Variants in FAM227A observed in about 807,000 individuals in gnomAD.
FAM227A encodes protein FAM227A.
A neutral mutation model predicts 74.7 loss-of-function variants in FAM227A; 80 were observed. The ratio of observed to expected loss-of-function variants is 1.07; its 90% CI spans 0.89 to 1.29. The LOEUF is 1.29. Ranked by LOEUF, FAM227A falls within the 50% of genes most tolerant of loss-of-function variation. The pLI is 0.00. For missense variants in FAM227A, 654 were observed against 683.4 expected, an observed-to-expected ratio of 0.96 and a Z score of 0.48; for synonymous variants, 237 against 241.8, an observed-to-expected ratio of 0.98 and a Z score of 0.19.
intron 10 of FAM227A, 56 bp from the exon 11 acceptor site, chr22:38,620,347 G>A (rs2091661604): frequency 2.9e-6 from 4 of 1,388,562 alleles, no homozygotes; most frequent in South Asian, 2.5e-5. Context: ...AATGAAGATT[G>A]TAGCCCAGGA....
chr22:38,602,158 G>A (rs1056392315), intron 13 of FAM227A, among the ~76,000 whole-genome samples: 3 of 151,716 alleles, frequency 2.0e-5, no homozygotes, highest in South Asian at 2.1e-4. Flanking sequence ...TTAATTAATT[G>A]TCTAATGGGA....
chr22:38,609,739 T>A (rs766574356), intron 11 of FAM227A, among the ~76,000 whole-genome samples: 1 of 152,090 alleles, frequency 6.6e-6, no homozygotes, highest in Non-Finnish European at 1.5e-5. Flanking sequence ...CAGGGCTCAA[T>A]GAAGCATCAA....
At chr22:38,634,771 G>A (rs1395915677) in intron 6 of FAM227A, among the ~76,000 whole-genome samples, 3 of 152,164 alleles carry the variant, frequency 2.0e-5, no homozygotes, top group African/African-American at 7.2e-5. Flanking sequence ...CTGGGCCACC[G>A]CTGCCAGGCC....
chr22:38,623,072 G>A (rs927482268), intron 10 of FAM227A, 100 bp downstream of exon 10: 2 of 808,358 alleles, frequency 2.5e-6, no homozygotes, highest in Admixed American at 2.3e-5. Context: ...GAGAGAACTT[G>A]ACCTGAGGAC....
intron 8 of FAM227A, among the ~76,000 whole-genome samples, chr22:38,626,855 G>T (rs1211979871): frequency 3.5e-5 from 3 of 84,794 alleles, no homozygotes; most frequent in African/African-American, 4.9e-5. Context: ...GCGACAGAGA[G>T]ACTCTGTCTC....
chr22:38,635,947 T>G (rs1321550862), intron 6 of FAM227A, among the ~76,000 whole-genome samples: 2 of 150,310 alleles, frequency 1.3e-5, no homozygotes, highest in Middle Eastern at 6.3e-3. Context: ...GCTATGATAG[T>G]GCCACTGCAT....
At chr22:38,651,963 C>A (rs549947637) in intron 1 of FAM227A, among the ~76,000 whole-genome samples, 5 of 151,620 alleles carry the variant, frequency 3.3e-5, no homozygotes, top group East Asian at 4.0e-4. Context: ...CCGAGGCAGG[C>A]GAATCATGAG....
intron 2 of FAM227A, among the ~76,000 whole-genome samples, chr22:38,646,322 G>T (rs915300008): frequency 3.6e-5 from 5 of 140,222 alleles, no homozygotes; most frequent in African/African-American, 1.4e-4. Context: ...TGCAGTGGCG[G>T]GATCTCGGCT....
rs372151774 is a variant in FAM227A, at chr22:38,604,101, C to T, written c.1221+1153G>A. Among the ~76,000 whole-genome samples, 40 of 151,922 alleles carry T rather than the reference C, an allele frequency of 2.6e-4. 1 individual carries two copies. The highest frequency in any genetic ancestry group is 6.2e-4 in the South Asian group (3 of 4,818). On this transcript the variant is annotated intron_variant, in intron 13 of 16. Coordinates refer to ENST00000535113, the MANE Select transcript of FAM227A (RefSeq NM_001013647.2). ...CAGCACTTTGGGAGGCCGAAGGGGG[C>T]GGATCACCTGAGATCGCGAGTTCGA...
chr22:38,653,680 T>C (rs1342844874), intron 1 of FAM227A: 1 of 152,234 alleles, frequency 6.6e-6, no homozygotes, highest in Non-Finnish European at 1.5e-5. Flanking sequence ...CGGCCTGTAA[T>C]GCTCTTGAAT....
rs2090703446 is a variant in FAM227A, at chr22:38,581,123, A to T, written c.*5002T>A. 6.6e-6 allele frequency: 1 copy of T among 152,196 alleles called. No individual in the cohort carries two copies. Among genetic ancestry groups the T allele is most frequent in the African/African-American group, 2.4e-5 (1 of 41,436 alleles). 9.4% of individuals were successfully genotyped at this position (152,196 alleles called of 1,614,324 possible). On this transcript the variant is annotated 3_prime_UTR_variant, in exon 17 of 17. Transcript: ENST00000535113. Reference sequence around the variant, plus strand: ...GTCACAATATGAACTTACAGGTGAGAACACGTTTGACGTGCTTCAAATATG... The same window carrying T: ...GTCACAATATGAACTTACAGGTGAGTACACGTTTGACGTGCTTCAAATATG...
intron 9 of FAM227A, among the ~76,000 whole-genome samples, chr22:38,625,517 G>A (rs5757187): frequency 0.3 from 44,894 of 151,878 alleles, 6,719 homozygotes; most frequent in East Asian, 0.36. Context: ...ATCTAAACCC[G>A]CATACTGCTT....
intron 7 of FAM227A, 104 bp from the exon 8 acceptor site, chr22:38,628,446 A>C (rs1603011060): frequency 1.3e-6 from 1 of 740,818 alleles, no homozygotes; most frequent in East Asian, 2.7e-5. Context: ...CAAGAATCTT[A>C]TTCTCAAGAT....
intron 4 of FAM227A, among the ~76,000 whole-genome samples, chr22:38,639,276 G>C (rs567001056): frequency 9.2e-4 from 140 of 152,190 alleles, no homozygotes; most frequent in African/African-American, 3.2e-3. Context: ...AGGCACGGTG[G>C]CGAGCCCCTG....
intron 11 of FAM227A, among the ~76,000 whole-genome samples, chr22:38,609,039 C>T (rs2091354099): frequency 6.6e-6 from 1 of 151,182 alleles, no homozygotes; most frequent in South Asian, 2.1e-4. Context: ...GTGATCTGCC[C>T]AACTTGGCCT....
At chr22:38,639,866 T>C (rs1178976675) in intron 3 of FAM227A, 142 bp from the exon 4 acceptor site, 2 of 661,464 alleles carry the variant, frequency 3.0e-6, no homozygotes, top group East Asian at 2.7e-5. Flanking sequence ...TCTTTCCAGG[T>C]GGTAGGTCCT....
At chr22:38,586,525 C>G (rs1050857089) in intron 16 of FAM227A, among the ~76,000 whole-genome samples, 3 of 152,186 alleles carry the variant, frequency 2.0e-5, no homozygotes, top group Non-Finnish European at 4.4e-5. Flanking sequence ...CGCTGAAAAC[C>G]TGGATTGTGT....
intron 5 of FAM227A, 60 bp downstream of exon 5, chr22:38,638,686 A>G: frequency 8.0e-7 from 1 of 1,257,064 alleles, no homozygotes; most frequent in Non-Finnish European, 1.1e-6. Flanking sequence ...CAGGAATAAA[A>G]TCTTTATTTC....
At chr22:38,644,636 T>C (rs2092193631) in intron 3 of FAM227A, among the ~76,000 whole-genome samples, 1 of 152,048 alleles carries the variant, frequency 6.6e-6, no homozygotes, top group Non-Finnish European at 1.5e-5. Context: ...TGTCGAGTGA[T>C]GATGATGTAA....
Sources: allele counts gnomAD v4.1 joint callset (sites outside exome capture counted in the v4.1 genomes callset), GRCh38; gene constraint gnomAD v4.1.1; transcripts MANE v1.5; gene names NCBI Gene and HGNC (gene_info 2026-07-23, HGNC 2026-07-21).